The following PAICS variants were observed in gnomAD, a reference collection of about 807,000 sequenced individuals.
PAICS encodes bifunctional phosphoribosylaminoimidazole carboxylase/phosphoribosylaminoimidazole succinocarboxamide synthetase.
In PAICS, 33 loss-of-function variants were observed where a neutral mutation model predicts 53.7. That is an observed-to-expected ratio of 0.61 (90% CI 0.47 to 0.82). The LOEUF is 0.82. Among genes scored for constraint, PAICS ranks in the 40% least tolerant of loss-of-function variants. The pLI, the probability that PAICS is intolerant of heterozygous loss-of-function variation, is 0.00. For missense variants in PAICS, 394 were observed against 494.1 expected, an observed-to-expected ratio of 0.80 and a Z score of 1.92; for synonymous variants, 141 against 167.2, an observed-to-expected ratio of 0.84 and a Z score of 1.21.
At chr4:56,410,915 A>AG in the PAICS span, 1 of 978,820 alleles carries the variant, frequency 1.0e-6, no homozygotes, top group African/African-American at 1.8e-5. Context: ...AAAAAAAAAA[A>AG]AAAAAAAAAA....
At chr4:56,431,778 T>C (rs1016034374), upstream of PAICS, among the ~76,000 whole-genome samples, 1 of 152,222 alleles carries the variant, frequency 6.6e-6, no homozygotes, top group African/African-American at 2.4e-5. Context: ...GACTGTGTTT[T>C]AAAGATGAAA....
At chr4:56,420,270 C>G in the PAICS span, 1 of 152,282 alleles carries the variant, frequency 6.6e-6, no homozygotes, top group South Asian at 2.1e-4. Flanking sequence ...TAATTTTATG[C>G]AATATTCTTA....
the PAICS span, chr4:56,419,918 T>C: frequency 1.0e-6 from 1 of 984,052 alleles, no homozygotes; most frequent in Non-Finnish European, 1.2e-6. Context: ...TGACTAAGAG[T>C]ATGAAATTTT....
At chr4:56,428,349 G>C in the PAICS span, among the ~76,000 whole-genome samples, 1 of 152,106 alleles carries the variant, frequency 6.6e-6, no homozygotes, top group Non-Finnish European at 1.5e-5. Flanking sequence ...CATTGATATG[G>C]TCTGATGAAA....
At chr4:56,455,712 C>G (rs1397279746) in intron 8 of PAICS, among the ~76,000 whole-genome samples, 1 of 152,208 alleles carries the variant, frequency 6.6e-6, no homozygotes, top group African/African-American at 2.4e-5. Context: ...CATTATTACT[C>G]CACTGTCTCC....
chr4:56,446,072 G>A (rs1420905391), intron 2 of PAICS, among the ~76,000 whole-genome samples: 1 of 152,112 alleles, frequency 6.6e-6, no homozygotes, highest in Non-Finnish European at 1.5e-5. Flanking sequence ...CAAAAAAGAT[G>A]TATTTAAAAT....
At chr4:56,441,497 T>C (rs1470598882) in intron 1 of PAICS, among the ~76,000 whole-genome samples, 166 bp from the exon 2 acceptor site, 1 of 152,208 alleles carries the variant, frequency 6.6e-6, no homozygotes, top group Non-Finnish European at 1.5e-5. Flanking sequence ...TCAAATGTGA[T>C]GGTATGAGAA....
the PAICS span, chr4:56,421,083 A>G: frequency 6.6e-6 from 1 of 152,274 alleles, no homozygotes; most frequent in Non-Finnish European, 1.5e-5. Flanking sequence ...CATCATGCAC[A>G]TTATGACCTG....
chr4:56,446,360 C>T (rs1718618427), intron 2 of PAICS: 3 of 717,772 alleles, frequency 4.2e-6, no homozygotes, highest in Non-Finnish European at 7.8e-6. Flanking sequence ...ATTCTAGTTA[C>T]CTCATATAAG....
rs11359661 is a variant in PAICS at position 56,463,694 on chromosome 4, C to CA, written c.*4173dup. The CA allele has an allele frequency of 0.08, 8,497 of 106,668 alleles. 900 individuals are homozygous for CA. The highest frequency in any genetic ancestry group is 0.26 in the African/African-American group (7,696 of 29,520). The allele number at this position is 106,668 out of a possible 1,614,324, so 6.6% of individuals were successfully genotyped here. A position where few individuals can be genotyped will look rare whatever the true frequency, so the allele number is the denominator to read the frequency against. On this transcript the variant is annotated 3_prime_UTR_variant, in exon 9 of 9. Coordinates refer to ENST00000512576, the MANE Select transcript of PAICS (RefSeq NM_001079524.2). ...GGCAACAAGAGCGAAAATCTGTCGC[C>CA]AAAAAAAAAAAAAAAAAGATACTGT...
chr4:56,413,273 C>T, the PAICS span, among the ~76,000 whole-genome samples: 3 of 152,192 alleles, frequency 2.0e-5, no homozygotes, highest in Admixed American at 1.3e-4. Context: ...TCTCCTGCCT[C>T]AGCCTCCTGA....
intron 2 of PAICS, among the ~76,000 whole-genome samples, chr4:56,444,170 T>C (rs4524447): frequency 0.3 from 46,178 of 151,918 alleles, 7,533 homozygotes; most frequent in East Asian, 0.47. Flanking sequence ...GAAAGAGCAT[T>C]GGAATGAGAA....
rs1719539020 is a variant in PAICS, at chr4:56,462,108, G to A, written c.*2570G>A. ...AAAAAGGTAAACAGTATAAAATCAG[G>A]AAAGGATAAATGTATATGAAGAATC... is the stretch of plus-strand genomic sequence containing the variant. On this transcript the variant is annotated 3_prime_UTR_variant, in exon 9 of 9. Coordinates refer to ENST00000512576, the MANE Select transcript of PAICS (RefSeq NM_001079524.2). 6.6e-6 allele frequency: 1 copy of A among 152,180 alleles called. No individual in the cohort carries two copies. The highest frequency in any genetic ancestry group is 1.5e-5 in the Non-Finnish European group (1 of 68,028). 9.4% of individuals were successfully genotyped at this position (152,180 alleles called of 1,614,324 possible). A position where few individuals can be genotyped will look rare whatever the true frequency, so the allele number is the denominator to read the frequency against.
the PAICS span, among the ~76,000 whole-genome samples, chr4:56,417,586 G>A: frequency 0.031 from 4,751 of 152,186 alleles, 120 homozygotes; most frequent in Middle Eastern, 0.058. Context: ...TTCGAGACTA[G>A]CCTGGGCAAC....
chr4:56,417,404 A>G, the PAICS span, among the ~76,000 whole-genome samples: 1 of 152,308 alleles, frequency 6.6e-6, no homozygotes, highest in East Asian at 1.9e-4. Context: ...GAACCTGACA[A>G]AAGTTATTAA....
chr4:56,450,605 A>C lies in PAICS; in HGVS notation c.688-14A>C. On this transcript the variant is annotated splice_polypyrimidine_tract_variant and intron_variant, in intron 5 of 8. Transcript: ENST00000512576. ...GAGATACTTGTTTTCTAAACTTTCTATCTTATTTTCTAGTCTTATCGGGAC... is the reference window on the plus strand; with the variant it reads ...GAGATACTTGTTTTCTAAACTTTCTCTCTTATTTTCTAGTCTTATCGGGAC... 1 of 1,380,012 alleles carries C rather than the reference A, an allele frequency of 7.2e-7. No individual in the cohort carries two copies. The highest frequency in any genetic ancestry group is 1.4e-5 in the African/African-American group (1 of 69,598). 85.5% of individuals were successfully genotyped at this position (1,380,012 alleles called of 1,614,324 possible). A position where few individuals can be genotyped will look rare whatever the true frequency, so the allele number is the denominator to read the frequency against.
chr4:56,423,315 T>C, the PAICS span: 2 of 152,310 alleles, frequency 1.3e-5, no homozygotes, highest in East Asian at 1.9e-4. Flanking sequence ...ATGGCCTTTG[T>C]CATTAAGAGT....
At chr4:56,429,293 A>G in the PAICS span, among the ~76,000 whole-genome samples, 1 of 152,240 alleles carries the variant, frequency 6.6e-6, no homozygotes, top group Non-Finnish European at 1.5e-5. Context: ...CTGTTTGGTT[A>G]TCATGGTCCT....
intron 8 of PAICS, among the ~76,000 whole-genome samples, chr4:56,457,683 T>TA (rs751674092): frequency 7.1e-6 from 1 of 141,678 alleles, no homozygotes; most frequent in African/African-American, 2.6e-5. Flanking sequence ...TTTTTTTTTT[T>TA]AAATGGAGTT....
Sources: gnomAD v4.1 joint callset for allele counts (sites outside exome capture counted in the v4.1 genomes callset) on GRCh38, gnomAD v4.1.1 for gene constraint, MANE v1.5 for transcripts, NCBI Gene and HGNC (gene_info 2026-07-23, HGNC 2026-07-21) for gene names.